Variants in RADIL observed in about 807,000 individuals in gnomAD.
RADIL encodes Rap associating with DIL domain.
A neutral mutation model predicts 97.6 loss-of-function variants in RADIL; 99 were observed. That is an observed-to-expected ratio of 1.01 (90% confidence interval 0.86 to 1.20). RADIL has a LOEUF of 1.20. Among genes scored for constraint, RADIL ranks in the 50% most tolerant of loss-of-function variants. RADIL has a pLI of 0.00. For synonymous variants in RADIL, 803 were observed against 691.8 expected, an observed-to-expected ratio of 1.16 and a Z score of -2.52; for missense variants, 1,765 against 1,498.9, an observed-to-expected ratio of 1.18 and a Z score of -2.93.
chr7:4,846,123 C>CT (rs548251052), intron 2 of RADIL, among the ~76,000 whole-genome samples: 1,809 of 143,484 alleles, frequency 0.013, 35 homozygotes, highest in East Asian at 0.083. Context: ...CTACAATCTT[C>CT]TTTTTTTTTT....
rs541687153 is a variant in RADIL at position 4,801,852 on chromosome 7, A to T, written c.2643T>A (p.Pro881=). Residue 881 remains proline, a synonymous_variant, in exon 12 of 15, where the codon CCT becomes CCA. Transcript: ENST00000399583. ...AGCCCCCACGGCTGGGTTGCCTTCC[A>T]GGGGGGGCCTGTGCCCAGGGAGCCC... ...LRGAPWAQAP[P]GRQPSRGGSQ... 180 of 1,596,894 alleles carry T rather than the reference A, an allele frequency of 1.1e-4. No individual in the cohort carries two copies. The highest frequency in any genetic ancestry group is 1.5e-4 in the Non-Finnish European group (172 of 1,172,450).
At position 4,872,508 on chromosome 7, in the gene RADIL, G is replaced by C. The variant is rs1784278948; in HGVS notation, c.535+5097C>G. The stretch of plus-strand genomic sequence containing the variant: ...ATGGCCCTGTCATCGCCCCTCCCCA[G>C]TGCATCTAAGTGGCTGCTGTCTTAT... On this transcript the variant is annotated intron_variant, in intron 2 of 14. Coordinates refer to ENST00000399583, the MANE Select transcript of RADIL (RefSeq NM_018059.5). The surrounding 1 kb of genome is among the most constrained non-coding windows in gnomAD (Gnocchi z 5.8). Among the ~76,000 whole-genome samples the C allele has an allele frequency of 6.6e-6, 1 of 151,932 alleles. No homozygotes were observed. Among genetic ancestry groups the C allele is most frequent in the South Asian group, 2.1e-4 (1 of 4,808 alleles).
At chr7:4,861,890 G>C (rs1784017910) in intron 2 of RADIL, 1 of 1,044,260 alleles carries the variant, frequency 9.6e-7, no homozygotes, top group Non-Finnish European at 1.3e-6. Context: ...GATCCGCTGA[G>C]GCGGAAGGGC....
At chr7:4,876,781 C>T (rs1467877525) in intron 2 of RADIL, among the ~76,000 whole-genome samples, 2 of 152,204 alleles carry the variant, frequency 1.3e-5, no homozygotes, top group African/African-American at 4.8e-5. Context: ...CGTGGCCAGG[C>T]CCTCCTCAGG....
chr7:4,837,343 C>A lies in RADIL; in HGVS notation c.536-738G>T, dbSNP rs1294466754. 6.6e-6 allele frequency among the ~76,000 whole-genome samples: 1 copy of A among 152,206 alleles called. No individual in the cohort carries two copies. Among genetic ancestry groups the A allele is most frequent in the African/African-American group, 2.4e-5 (1 of 41,452 alleles). On this transcript the variant is annotated intron_variant, in intron 2 of 14. Coordinates refer to ENST00000399583, the MANE Select transcript of RADIL (RefSeq NM_018059.5). This position sits in a 1 kb window ranked among gnomAD's most constrained non-coding sequence, Gnocchi z 5.6. ...GAGCCCTGCCCCATCCATCTGTGCA[C>A]CAGGCGAAACTCCCCTGGGGGTGGT...
chr7:4,836,871 G>A (rs1203339478), intron 2 of RADIL, among the ~76,000 whole-genome samples: 1 of 152,126 alleles, frequency 6.6e-6, no homozygotes, highest in Non-Finnish European at 1.5e-5. Flanking sequence ...CCAGGAGGCG[G>A]AGGTGGCAGT....
chr7:4,867,253 A>G lies in RADIL; in HGVS notation c.535+10352T>C, dbSNP rs1784151056. On this transcript the variant is annotated intron_variant, in intron 2 of 14. Coordinates refer to ENST00000399583, the MANE Select transcript of RADIL (RefSeq NM_018059.5). The surrounding 1 kb of genome is among the most constrained non-coding windows in gnomAD (Gnocchi z 4.1). ...GCTGTCCAGCCATGCTCACCAGGAAATGACATGCACATATGCTCTGTAATC... is the reference window on the plus strand; with the variant it reads ...GCTGTCCAGCCATGCTCACCAGGAAGTGACATGCACATATGCTCTGTAATC... 6.6e-6 allele frequency among the ~76,000 whole-genome samples: 1 copy of G among 152,196 alleles called. No individual in the cohort carries two copies. Among genetic ancestry groups the G allele is most frequent in the Non-Finnish European group, 1.5e-5 (1 of 68,036 alleles).
chr7:4,862,373 G>T (rs1327525377), intron 2 of RADIL, among the ~76,000 whole-genome samples: 2 of 152,172 alleles, frequency 1.3e-5, no homozygotes, highest in Non-Finnish European at 2.9e-5. Context: ...CTTCTGTCTT[G>T]TTTCTTGGGC....
At chr7:4,809,626 A>G in intron 9 of RADIL, 1 of 985,134 alleles carries the variant, frequency 1.0e-6, no homozygotes, top group Non-Finnish European at 1.2e-6. Flanking sequence ...CTTCAGCTCA[A>G]CCTGCCCTTT....
At chr7:4,820,979 G>C (rs73312640) in intron 6 of RADIL, among the ~76,000 whole-genome samples, 1 of 152,160 alleles carries the variant, frequency 6.6e-6, no homozygotes, top group East Asian at 1.9e-4. Flanking sequence ...CCAGTACCTC[G>C]CCTGGCCTTG....
chr7:4,832,377 A>G (rs1358056056), intron 4 of RADIL, among the ~76,000 whole-genome samples, 199 bp from the exon 5 acceptor site: 3 of 152,178 alleles, frequency 2.0e-5, no homozygotes, highest in Non-Finnish European at 2.9e-5. Context: ...ATTACCGACT[A>G]TGACCTACAA....
intron 2 of RADIL, chr7:4,861,809 A>G: frequency 7.3e-7 from 1 of 1,365,878 alleles, no homozygotes; most frequent in Non-Finnish European, 9.4e-7. Context: ...AAACGGCATC[A>G]TCTTTCAGCG....
At chr7:4,823,870 C>T (rs1782902851) in intron 5 of RADIL, among the ~76,000 whole-genome samples, 2 of 152,202 alleles carry the variant, frequency 1.3e-5, no homozygotes, top group African/African-American at 4.8e-5. Context: ...ATGCCAGCCA[C>T]ACATCTTTCT....
chr7:4,828,413 G>A (rs1334323905), intron 5 of RADIL, among the ~76,000 whole-genome samples: 3 of 152,202 alleles, frequency 2.0e-5, no homozygotes, highest in South Asian at 2.1e-4. Flanking sequence ...AGCCGAGGTC[G>A]CGCCAATGCG....
chr7:4,809,481 G>A (rs1300316915), intron 9 of RADIL: 1 of 985,206 alleles, frequency 1.0e-6, no homozygotes, highest in Admixed American at 6.2e-5. Context: ...CGAGGAACAC[G>A]CTTGTGTGTC....
In RADIL at chr7:4,835,434, A is replaced by G. The variant is rs1783269242; in HGVS notation, c.784-195T>C. On this transcript the variant is annotated intron_variant, in intron 3 of 14. Coordinates refer to ENST00000399583, the MANE Select transcript of RADIL (RefSeq NM_018059.5). The surrounding 1 kb of genome is among the most constrained non-coding windows in gnomAD (Gnocchi z 5.8). ...GCCCCTCGATGTCCGGGCCCATCCC[A>G]GAGGAGGTCGGTTTCCCGGAGGAGC... is the stretch of plus-strand genomic sequence containing the variant. 6.6e-6 allele frequency among the ~76,000 whole-genome samples: 1 copy of G among 152,034 alleles called. No homozygotes were observed. Among genetic ancestry groups the G allele is most frequent in the Admixed American group, 6.6e-5 (1 of 15,262 alleles).
In RADIL at chr7:4,836,416, C is replaced by T. The variant is rs191065170; in HGVS notation, c.725G>A (p.Arg242Gln). The change falls in exon 3 of 15, where the codon CGG (arginine) becomes CAG (glutamine). Residue 242 changes from arginine to glutamine, a missense_variant. By Grantham distance (43) the Arg-to-Gln change is conservative. Transcript: ENST00000399583. ...ATGCGGGGACTGGTACAGCGAGTAC[C>T]GCATGGCGTCGGGGCCGGGCTCCTC... ...GPEEPGPDAMRYSLYQSPHLL... is the reference protein window; with the variant it reads ...GPEEPGPDAMQYSLYQSPHLL... 2.1e-4 allele frequency: 325 copies of T among 1,583,740 alleles called. No homozygotes were observed. The highest frequency in any genetic ancestry group is 2.5e-4 in the Non-Finnish European group (295 of 1,165,140).
chr7:4,866,802 G>A (rs950082524), intron 2 of RADIL, among the ~76,000 whole-genome samples: 5 of 152,214 alleles, frequency 3.3e-5, no homozygotes, highest in African/African-American at 9.6e-5. Flanking sequence ...TCCCCAAAGG[G>A]GAAGTGCTGG....
chr7:4,855,620 T>TAAAAA (rs760588803), intron 2 of RADIL, among the ~76,000 whole-genome samples: 2 of 88,166 alleles, frequency 2.3e-5, no homozygotes, highest in Non-Finnish European at 4.8e-5. Context: ...TTTATTTTTG[T>TAAAAA]AAAAAAAAAA....
Sources: allele counts gnomAD v4.1 joint callset (sites outside exome capture counted in the v4.1 genomes callset), GRCh38; gene constraint gnomAD v4.1.1; non-coding constraint Gnocchi (gnomAD v3.1); transcripts MANE v1.5; gene names NCBI Gene and HGNC (gene_info 2026-07-23, HGNC 2026-07-21).